AK8: variants seen among roughly 807,000 people sequenced by gnomAD.
AK8 encodes adenylate kinase 8.
AK8 carries 44 observed loss-of-function variants against 54.6 expected under a neutral mutation model. That is an observed-to-expected ratio of 0.81 (90% CI 0.63 to 1.04). The LOEUF (loss-of-function observed/expected upper bound fraction) is 1.04, where lower values mean the gene tolerates loss of function less well. Ranked by LOEUF, AK8 falls within the 50% of genes least tolerant of loss-of-function variation. The pLI, the probability that AK8 is intolerant of heterozygous loss-of-function variation, is 0.00. For synonymous variants in AK8, 239 were observed against 245.6 expected (o/e 0.97, Z 0.25); for missense variants, 555 against 613.6 (o/e 0.90, Z 1.01).
rs1838937946 is a variant in AK8, at chr9:132,770,819, G to A, written c.1121+21815C>T. ...AGTGGGCTCTGGAAGCAGCTGCTGAGTGCACGGCAGACCCCCTGGCATGGG... is the reference window on the plus strand; with the variant it reads ...AGTGGGCTCTGGAAGCAGCTGCTGAATGCACGGCAGACCCCCTGGCATGGG... On this transcript the variant is annotated intron_variant, in intron 11 of 12. Transcript: ENST00000298545. The surrounding 1 kb of genome is among the most constrained non-coding windows in gnomAD (Gnocchi z 4.3). Among the ~76,000 whole-genome samples the A allele has an allele frequency of 6.6e-6, 1 of 152,212 alleles. No homozygotes were observed. Among genetic ancestry groups the A allele is most frequent in the Non-Finnish European group, 1.5e-5 (1 of 68,034 alleles).
At chr9:132,804,457 C>T (rs1214638538) in intron 10 of AK8, among the ~76,000 whole-genome samples, 1 of 152,130 alleles carries the variant, frequency 6.6e-6, no homozygotes, top group Non-Finnish European at 1.5e-5. Context: ...GTCCTGCAAT[C>T]AAGATCGTGG....
At chr9:132,840,169 G>A (rs901838879) in intron 5 of AK8, among the ~76,000 whole-genome samples, 2 of 152,088 alleles carry the variant, frequency 1.3e-5, no homozygotes, top group Non-Finnish European at 2.9e-5. Context: ...CCACATTGGA[G>A]ATTAAAGTTC....
intron 9 of AK8, among the ~76,000 whole-genome samples, chr9:132,822,513 A>C (rs1239792258): frequency 6.6e-6 from 1 of 151,888 alleles, no homozygotes; most frequent in African/African-American, 2.4e-5. Flanking sequence ...AGTAGAGGCT[A>C]CTTAGGTTTG....
At chr9:132,753,177 T>A (rs1420818276) in intron 11 of AK8, among the ~76,000 whole-genome samples, 1 of 152,206 alleles carries the variant, frequency 6.6e-6, no homozygotes, top group Admixed American at 6.5e-5. Flanking sequence ...TTGACCTCCT[T>A]TTGTCCTGGG....
At chr9:132,833,687 C>G (rs1398908890) in intron 5 of AK8, among the ~76,000 whole-genome samples, 2 of 152,184 alleles carry the variant, frequency 1.3e-5, no homozygotes, top group Non-Finnish European at 2.9e-5. Context: ...TATGGTATCA[C>G]AGGAGGGACA....
At chr9:132,794,172 A>G (rs1840056921) in intron 10 of AK8, among the ~76,000 whole-genome samples, 1 of 152,188 alleles carries the variant, frequency 6.6e-6, no homozygotes. Flanking sequence ...AGTCCCTAGG[A>G]AAGAGCAGAA....
chr9:132,808,877 A>G (rs777340771), intron 10 of AK8, among the ~76,000 whole-genome samples: 1 of 152,164 alleles, frequency 6.6e-6, no homozygotes, highest in Non-Finnish European at 1.5e-5. Flanking sequence ...AAGGAGGTCC[A>G]GTACCCACCA....
At chr9:132,827,150 G>C in intron 7 of AK8, 96 bp from the exon 8 acceptor site, 1 of 1,282,768 alleles carries the variant, frequency 7.8e-7, no homozygotes, top group Non-Finnish European at 1.1e-6. Context: ...TGGAGGCCAG[G>C]CCCTACACAT....
Position 132,878,118 on chromosome 9 carries a change from G to A in AK8, c.84+54C>T, listed in dbSNP as rs949284187. The A allele has an allele frequency of 1.3e-6, 2 of 1,551,924 alleles. No individual in the cohort carries two copies. The highest frequency in any genetic ancestry group is 3.9e-5 in the Admixed American group (2 of 51,268). Reference sequence around the variant, plus strand: ...TCCCGGCCGCGCACCCGACGTCGCAGTGGAGGCTCCCGAGCCGCCGCCAGC... The same window carrying A: ...TCCCGGCCGCGCACCCGACGTCGCAATGGAGGCTCCCGAGCCGCCGCCAGC... On this transcript the variant is annotated intron_variant, in intron 1 of 12. Coordinates refer to ENST00000298545, the MANE Select transcript of AK8 (RefSeq NM_152572.3). This position sits in a 1 kb window ranked among gnomAD's most constrained non-coding sequence, Gnocchi z 4.7.
intron 2 of AK8, among the ~76,000 whole-genome samples, chr9:132,873,438 T>TG (rs113549526): frequency 0.017 from 2,534 of 151,606 alleles, 75 homozygotes; most frequent in African/African-American, 0.058. Flanking sequence ...GGGAGGGAGG[T>TG]GGGGGGGTGG....
chr9:132,875,260 G>A (rs1564451814), intron 1 of AK8, 61 bp from the exon 2 acceptor site: 3 of 1,597,468 alleles, frequency 1.9e-6, no homozygotes, highest in East Asian at 2.3e-5. Flanking sequence ...GGTCACCACA[G>A]ATACCAGCTA....
At chr9:132,806,002 G>T (rs933826587) in intron 10 of AK8, among the ~76,000 whole-genome samples, 1 of 151,858 alleles carries the variant, frequency 6.6e-6, no homozygotes, top group Non-Finnish European at 1.5e-5. Flanking sequence ...TGGGTTGGGG[G>T]TACCAAAGGG....
intron 11 of AK8, among the ~76,000 whole-genome samples, chr9:132,752,251 CTTTTTTT>C (rs753096887): frequency 1.1e-4 from 15 of 134,014 alleles, no homozygotes; most frequent in African/African-American, 4.2e-4. Context: ...CATTTTCTAA[CTTTTTTT>C]TTTTTTTTTT....
chr9:132,795,051 C>T lies in AK8; in HGVS notation c.980-2276G>A, dbSNP rs215191. On this transcript the variant is annotated intron_variant, in intron 10 of 12. Transcript: ENST00000298545. ...TTTTCACGGTTGCCTGTGGTCAGGGCGTGCCAGCAAAGACTGTTGGCACCT... is the reference window on the plus strand; with the variant it reads ...TTTTCACGGTTGCCTGTGGTCAGGGTGTGCCAGCAAAGACTGTTGGCACCT... Among the ~76,000 whole-genome samples the T allele has an allele frequency of 2.6e-5, 4 of 152,204 alleles. No homozygotes were observed. The East Asian group carries it at 5.8e-4, about 22-fold the overall frequency.
Position 132,803,963 on chromosome 9 carries a change from G to A in AK8, c.979+10675C>T, listed in dbSNP as rs975380592. On this transcript the variant is annotated intron_variant, in intron 10 of 12. Coordinates refer to ENST00000298545, the MANE Select transcript of AK8 (RefSeq NM_152572.3). The surrounding 1 kb of genome is among the most constrained non-coding windows in gnomAD (Gnocchi z 4.4). The stretch of plus-strand genomic sequence containing the variant: ...TCTACTAAAAATACAAAAATTAGCC[G>A]GGCGTGGTGGTGGGCGCCTGTAGTC... Among the ~76,000 whole-genome samples, 14 of 152,076 alleles carry A rather than the reference G, an allele frequency of 9.2e-5. No individual in the cohort carries two copies. Among genetic ancestry groups the A allele is most frequent in the Admixed American group, 3.3e-4 (5 of 15,262 alleles).
At position 132,799,288 on chromosome 9, in the gene AK8, AG is replaced by A. The variant is rs1344831247; in HGVS notation, c.980-6514del. Among the ~76,000 whole-genome samples the A allele has an allele frequency of 6.6e-6, 1 of 152,188 alleles. No homozygotes were observed. Among genetic ancestry groups the A allele is most frequent in the African/African-American group, 2.4e-5 (1 of 41,438 alleles). On this transcript the variant is annotated intron_variant, in intron 10 of 12. Transcript: ENST00000298545. The surrounding 1 kb of genome is among the most constrained non-coding windows in gnomAD (Gnocchi z 5.0). The stretch of plus-strand genomic sequence containing the variant: ...TAAGGTTTCTGGGGCTGGCATATAA[AG>A]ATAGGACAAAAAGTGGAGAGAAGGA...
At position 132,846,513 on chromosome 9, in the gene AK8, ATG is replaced by A. The variant is rs1842756651; in HGVS notation, c.402+8342_402+8343del. ...GTTGCATGAGAGAATAGATGAATGA[ATG>A]AATGAATGAATGAATGAATGAATGA... On this transcript the variant is annotated intron_variant, in intron 5 of 12. Transcript: ENST00000298545. Among the ~76,000 whole-genome samples the A allele has an allele frequency of 4.5e-4, 4 of 8,826 alleles. No homozygotes were observed. The East Asian group carries it at 0.015, about 34-fold the overall frequency. 5.8% of individuals were successfully genotyped at this position (8,826 alleles called of 152,430 possible).
At position 132,812,615 on chromosome 9, in the gene AK8, T is replaced by C. The variant is rs551806996; in HGVS notation, c.979+2023A>G. On this transcript the variant is annotated intron_variant, in intron 10 of 12. Coordinates refer to ENST00000298545, the MANE Select transcript of AK8 (RefSeq NM_152572.3). ...CAGCTGCCTGTGGCCTCCCAGACCC[T>C]GTGCATGTGCATGAGGGCTGCTCCT... Among the ~76,000 whole-genome samples the C allele has an allele frequency of 4.1e-4, 11 of 26,958 alleles. No homozygotes were observed. The South Asian group carries it at 0.011, about 27-fold the overall frequency. The allele number at this position is 26,958 out of a possible 152,430, so 17.7% of individuals were successfully genotyped here.
At chr9:132,768,459 G>A (rs1408245394) in intron 11 of AK8, among the ~76,000 whole-genome samples, 1 of 151,998 alleles carries the variant, frequency 6.6e-6, no homozygotes, top group Non-Finnish European at 1.5e-5. Context: ...TAGAGACGGG[G>A]TTTCTCCATG....
Sources: gnomAD v4.1 joint callset for allele counts (sites outside exome capture counted in the v4.1 genomes callset) on GRCh38, gnomAD v4.1.1 for gene constraint, Gnocchi (gnomAD v3.1) non-coding constraint, MANE v1.5 for transcripts, NCBI Gene and HGNC (gene_info 2026-07-23, HGNC 2026-07-21) for gene names.